The following MECOM variants were observed in gnomAD, a reference collection of about 807,000 sequenced individuals.
The protein encoded by MECOM is histone-lysine N-methyltransferase MECOM.
In MECOM, 13 loss-of-function variants were observed where a neutral mutation model predicts 116.3. The ratio of observed to expected loss-of-function variants is 0.11; its 90% CI spans 0.07 to 0.18. The LOEUF is 0.18. Ranked by LOEUF, MECOM falls within the 10% of genes least tolerant of loss-of-function variation. MECOM has a pLI of 1.00. For missense variants in MECOM, 1,299 were observed against 1,509.0 expected, an observed-to-expected ratio of 0.86 and a Z score of 2.31; for synonymous variants, 528 against 535.2, an observed-to-expected ratio of 0.99 and a Z score of 0.19.
intron 2 of MECOM, among the ~76,000 whole-genome samples, chr3:169,311,284 GA>G (rs928302917): frequency 9.9e-5 from 15 of 151,716 alleles, no homozygotes; most frequent in African/African-American, 2.7e-4. Context: ...TACAATAAGA[GA>G]AAAAAAACTT....
intron 2 of MECOM, among the ~76,000 whole-genome samples, chr3:169,303,647 GT>G (rs1185434223): frequency 3.3e-5 from 5 of 152,150 alleles, no homozygotes; most frequent in African/African-American, 1.2e-4. Flanking sequence ...CCCCAAAGTT[GT>G]GAGTATCCAA....
intron 1 of MECOM, among the ~76,000 whole-genome samples, chr3:169,489,660 TAA>T (rs1752843423): frequency 6.6e-6 from 1 of 152,016 alleles, no homozygotes; most frequent in African/African-American, 2.4e-5. Context: ...AATTCTTCAA[TAA>T]ATAGAGCCAG....
chr3:169,319,428 G>T (rs1334041707), intron 2 of MECOM, among the ~76,000 whole-genome samples: 2 of 152,004 alleles, frequency 1.3e-5, no homozygotes, highest in Non-Finnish European at 2.9e-5. Flanking sequence ...CTGTCAGGGG[G>T]TGGGGGGTAG....
chr3:169,641,122 T>A (rs1773432603), intron 1 of MECOM, among the ~76,000 whole-genome samples: 1 of 152,110 alleles, frequency 6.6e-6, no homozygotes, highest in Non-Finnish European at 1.5e-5. Flanking sequence ...AACAGGATGG[T>A]GGCAGAAAAT....
chr3:169,445,807 T>C (rs531792696), intron 1 of MECOM, among the ~76,000 whole-genome samples: 63 of 152,332 alleles, frequency 4.1e-4, no homozygotes, highest in African/African-American at 1.5e-3. Flanking sequence ...CCCAAGACCA[T>C]GGGAACCCCC....
intron 1 of MECOM, among the ~76,000 whole-genome samples, chr3:169,410,546 G>T (rs181431712): frequency 2.4e-3 from 363 of 152,218 alleles, no homozygotes; most frequent in Middle Eastern, 0.01. Context: ...AGATTCCATG[G>T]TTTTTTGTGA....
At chr3:169,377,630 T>C (rs1336983357) in intron 2 of MECOM, among the ~76,000 whole-genome samples, 1 of 152,142 alleles carries the variant, frequency 6.6e-6, no homozygotes. Context: ...AGATACCATC[T>C]CACACCAGTT....
chr3:169,293,788 T>C (rs1366120117), intron 2 of MECOM, among the ~76,000 whole-genome samples: 2 of 152,210 alleles, frequency 1.3e-5, no homozygotes, highest in African/African-American at 4.8e-5. Flanking sequence ...TAGTAGGTAT[T>C]CAGCTTATAT....
chr3:169,088,326 T>C (rs964892802), intron 16 of MECOM, among the ~76,000 whole-genome samples: 1 of 152,190 alleles, frequency 6.6e-6, no homozygotes, highest in African/African-American at 2.4e-5. Context: ...GCTCTTTTAA[T>C]TGCTATTTAT....
At chr3:169,415,373 C>T (rs1263637265) in intron 1 of MECOM, among the ~76,000 whole-genome samples, 2 of 152,110 alleles carry the variant, frequency 1.3e-5, no homozygotes, top group Non-Finnish European at 2.9e-5. Flanking sequence ...TACAAGCGCT[C>T]CTGAAGGAAG....
intron 1 of MECOM, among the ~76,000 whole-genome samples, chr3:169,551,025 G>A (rs1169464506): frequency 2.1e-5 from 2 of 95,146 alleles, no homozygotes; most frequent in African/African-American, 3.2e-5. Context: ...GGGTTTCACC[G>A]TTTTAGCCGG....
chr3:169,276,288 A>G (rs1389272718), intron 2 of MECOM, among the ~76,000 whole-genome samples: 1 of 152,182 alleles, frequency 6.6e-6, no homozygotes, highest in Admixed American at 6.6e-5. Flanking sequence ...GCAGTGGCTC[A>G]CGCCTGTAAT....
intron 11 of MECOM, among the ~76,000 whole-genome samples, chr3:169,101,210 C>T (rs1344086057): frequency 6.6e-6 from 1 of 152,300 alleles, no homozygotes; most frequent in African/African-American, 2.4e-5. Context: ...TGAAAATAGA[C>T]TTTAGTTTTG....
intron 1 of MECOM, among the ~76,000 whole-genome samples, chr3:169,399,804 C>T (rs938685473): frequency 2.6e-5 from 4 of 152,030 alleles, no homozygotes; most frequent in Non-Finnish European, 5.9e-5. Context: ...AGTTTTTCTT[C>T]CTTTAAGTGA....
intron 1 of MECOM, among the ~76,000 whole-genome samples, chr3:169,512,002 C>T (rs1305544761): frequency 1.3e-5 from 2 of 152,124 alleles, no homozygotes; most frequent in Non-Finnish European, 2.9e-5. Context: ...ATAGGGCACA[C>T]AAAAGCACTC....
intron 1 of MECOM, among the ~76,000 whole-genome samples, chr3:169,581,171 G>A (rs1354604865): frequency 6.6e-6 from 1 of 152,170 alleles, no homozygotes; most frequent in Non-Finnish European, 1.5e-5. Flanking sequence ...AAAACAAAAT[G>A]AAACAAGAAA....
At chr3:169,534,888 C>T (rs1009606695) in intron 1 of MECOM, among the ~76,000 whole-genome samples, 3 of 152,210 alleles carry the variant, frequency 2.0e-5, no homozygotes, top group Non-Finnish European at 2.9e-5. Flanking sequence ...GAACCTGCTA[C>T]CTCGGAGTGT....
intron 2 of MECOM, among the ~76,000 whole-genome samples, chr3:169,168,051 A>G (rs1259642230): frequency 2.0e-5 from 3 of 152,184 alleles, no homozygotes; most frequent in Admixed American, 1.3e-4. Context: ...CGTGAAAACA[A>G]TTGCAATTCT....
intron 1 of MECOM, among the ~76,000 whole-genome samples, chr3:169,536,190 G>T (rs28655512): frequency 0.31 from 47,328 of 151,630 alleles, 7,524 homozygotes; most frequent in Non-Finnish European, 0.33. Flanking sequence ...TCCAGAGGTA[G>T]GACAAACCCC....
Sources: allele counts gnomAD v4.1 joint callset (sites outside exome capture counted in the v4.1 genomes callset), GRCh38; gene constraint gnomAD v4.1.1; transcripts MANE v1.5; gene names NCBI Gene and HGNC (gene_info 2026-07-23, HGNC 2026-07-21).